Variants in LRMDA observed in about 807,000 individuals in gnomAD.
LRMDA encodes the protein leucine rich melanocyte differentiation associated.
A neutral mutation model predicts 29.8 loss-of-function variants in LRMDA; 18 were observed. The observed-to-expected ratio is 0.60, with a 90% CI of 0.42 to 0.90. The LOEUF is 0.90. Among genes scored for constraint, LRMDA ranks in the 40% least tolerant of loss-of-function variants. LRMDA has a pLI of 0.00. For synonymous variants in LRMDA, 125 were observed against 109.4 expected (o/e 1.14, Z -0.89); for missense variants, 273 against 273.9 (o/e 1.00, Z 0.02).
intron 3 of LRMDA, among the ~76,000 whole-genome samples, chr10:76,041,187 G>A (rs991470355): frequency 2.6e-5 from 4 of 152,146 alleles, no homozygotes; most frequent in East Asian, 1.9e-4. Context: ...CCAATGCCTC[G>A]ATGCGTCAAA....
At chr10:76,025,564 C>T (rs1378676301) in intron 2 of LRMDA, among the ~76,000 whole-genome samples, 2 of 151,870 alleles carry the variant, frequency 1.3e-5, no homozygotes, top group Non-Finnish European at 2.9e-5. Context: ...CATTTGTATC[C>T]CCAGATGCAT....
intron 6 of LRMDA, among the ~76,000 whole-genome samples, chr10:76,399,744 AT>A (rs969427284): frequency 1.4e-4 from 21 of 152,208 alleles, no homozygotes; most frequent in African/African-American, 3.4e-4. Context: ...TGGAACTTTT[AT>A]TTTCTCCCTT....
intron 5 of LRMDA, among the ~76,000 whole-genome samples, chr10:76,213,428 A>C (rs973080727): frequency 6.6e-6 from 1 of 152,230 alleles, no homozygotes; most frequent in Non-Finnish European, 1.5e-5. Context: ...TAATCTCCTC[A>C]AATTCAAATG....
intron 2 of LRMDA, among the ~76,000 whole-genome samples, chr10:75,636,210 C>G (rs1841388313): frequency 6.6e-6 from 1 of 152,224 alleles, no homozygotes; most frequent in African/African-American, 2.4e-5. Context: ...TGGAACTTTC[C>G]TGCATAAGCT....
At chr10:76,439,667 T>G (rs1842280796) in intron 6 of LRMDA, among the ~76,000 whole-genome samples, 1 of 152,172 alleles carries the variant, frequency 6.6e-6, no homozygotes, top group South Asian at 2.1e-4. Context: ...TGCTCCTTGA[T>G]CCTCACTGCT....
At chr10:75,546,603 T>A (rs778205912) in intron 2 of LRMDA, among the ~76,000 whole-genome samples, 43 of 152,220 alleles carry the variant, frequency 2.8e-4, no homozygotes, top group Non-Finnish European at 5.7e-4. Flanking sequence ...ATCTTTTTAA[T>A]GGTAGAAGTG....
Position 76,182,403 on chromosome 10 carries a change from C to T in LRMDA, c.516+123620C>T, listed in dbSNP as rs115095818. 3.1e-3 allele frequency among the ~76,000 whole-genome samples: 465 copies of T among 152,240 alleles called. 2 individuals carry two copies. Among genetic ancestry groups the T allele is most frequent in the African/African-American group, 0.011 (451 of 41,536 alleles). On this transcript the variant is annotated intron_variant, in intron 5 of 6. Transcript: ENST00000611255. ...GTTCAAGGTGAGATTTGGGTGGGGA[C>T]GCAGAGACAAACCACATCAAGAAGT...
At chr10:75,464,042 T>C (rs1186650590) in intron 2 of LRMDA, among the ~76,000 whole-genome samples, 1 of 152,188 alleles carries the variant, frequency 6.6e-6, no homozygotes, top group Admixed American at 6.5e-5. Flanking sequence ...CCTCAGGTGA[T>C]CTACCCGCCT....
intron 2 of LRMDA, among the ~76,000 whole-genome samples, chr10:75,923,474 A>G (rs1000344323): frequency 5.3e-5 from 8 of 152,134 alleles, no homozygotes; most frequent in Non-Finnish European, 1.2e-4. Context: ...ACTCCATAGG[A>G]GAGGAAAACC....
At chr10:76,001,172 T>TA (rs1847556300) in intron 2 of LRMDA, among the ~76,000 whole-genome samples, 1 of 152,210 alleles carries the variant, frequency 6.6e-6, no homozygotes, top group Non-Finnish European at 1.5e-5. Context: ...TGTTCTTCCT[T>TA]ATGGCTTCCG....
intron 5 of LRMDA, among the ~76,000 whole-genome samples, chr10:76,280,379 A>G (rs976687278): frequency 1.3e-5 from 2 of 152,204 alleles, no homozygotes; most frequent in Non-Finnish European, 2.9e-5. Flanking sequence ...TTTTGTATCC[A>G]CAGTAGCAGA....
At chr10:75,755,525 G>T (rs1341697025) in intron 2 of LRMDA, among the ~76,000 whole-genome samples, 1 of 152,220 alleles carries the variant, frequency 6.6e-6, no homozygotes, top group Non-Finnish European at 1.5e-5. Flanking sequence ...AGTATCAGAT[G>T]GTGATGAGTG....
intron 5 of LRMDA, among the ~76,000 whole-genome samples, chr10:76,231,964 G>T (rs751672949): frequency 7.2e-5 from 11 of 152,286 alleles, no homozygotes; most frequent in Non-Finnish European, 1.5e-4. Flanking sequence ...ATTTTAGGGA[G>T]ATCAGGGTAG....
chr10:75,800,633 A>C (rs533660836), intron 2 of LRMDA, among the ~76,000 whole-genome samples: 2 of 152,186 alleles, frequency 1.3e-5, no homozygotes, highest in East Asian at 3.9e-4. Flanking sequence ...TTTTCTGCTG[A>C]TATTCCCCTA....
intron 6 of LRMDA, among the ~76,000 whole-genome samples, chr10:76,555,924 T>C (rs1843551468): frequency 6.6e-6 from 1 of 152,152 alleles, no homozygotes; most frequent in Non-Finnish European, 1.5e-5. Context: ...TTTTTTCTAG[T>C]TGTGTACAGT....
chr10:76,402,609 C>T (rs1345823285), intron 6 of LRMDA, among the ~76,000 whole-genome samples: 1 of 152,130 alleles, frequency 6.6e-6, no homozygotes, highest in Non-Finnish European at 1.5e-5. Context: ...CCGCCTTGAT[C>T]ACCATAAGTG....
At chr10:75,855,997 G>A (rs1235169138) in intron 2 of LRMDA, among the ~76,000 whole-genome samples, 2 of 152,172 alleles carry the variant, frequency 1.3e-5, no homozygotes, top group African/African-American at 4.8e-5. Flanking sequence ...GTCAGGTAGT[G>A]TGATGCCTCC....
At chr10:75,619,185 G>A (rs1218737897) in intron 2 of LRMDA, among the ~76,000 whole-genome samples, 1 of 152,152 alleles carries the variant, frequency 6.6e-6, no homozygotes. Context: ...AGGAGAAGGA[G>A]GAGGAAGAGG....
intron 2 of LRMDA, among the ~76,000 whole-genome samples, chr10:75,782,296 G>T (rs187876054): frequency 2.2e-4 from 33 of 151,840 alleles, no homozygotes; most frequent in African/African-American, 6.3e-4. Flanking sequence ...TGTGTGTGGG[G>T]GTGTGTGTGT....
Sources: allele counts gnomAD v4.1 joint callset (sites outside exome capture counted in the v4.1 genomes callset), GRCh38; gene constraint gnomAD v4.1.1; transcripts MANE v1.5; gene names NCBI Gene and HGNC (gene_info 2026-07-23, HGNC 2026-07-21).